Variants in BBOX1 observed in about 807,000 individuals in gnomAD.
The protein encoded by BBOX1 is gamma-butyrobetaine dioxygenase.
In BBOX1, 35 loss-of-function variants were observed where a neutral mutation model predicts 41.6. That is an observed-to-expected ratio of 0.84 (90% CI 0.64 to 1.11). BBOX1 has a LOEUF of 1.11. Among genes scored for constraint, BBOX1 ranks in the 50% most tolerant of loss-of-function variants. The pLI is 0.00. For missense variants in BBOX1, 458 were observed against 460.6 expected (o/e 0.99, Z 0.05); for synonymous variants, 163 against 154.7 (o/e 1.05, Z -0.40).
At chr11:27,108,452 CT>C (rs1180293348) in intron 5 of BBOX1, among the ~76,000 whole-genome samples, 1 of 152,084 alleles carries the variant, frequency 6.6e-6, no homozygotes, top group Non-Finnish European at 1.5e-5. Context: ...GATGAAATTA[CT>C]TTTTTGATCT....
At chr11:27,099,020 G>A (rs2134056690) in intron 5 of BBOX1, among the ~76,000 whole-genome samples, 1 of 151,912 alleles carries the variant, frequency 6.6e-6, no homozygotes, top group African/African-American at 2.4e-5. Context: ...TACGTCTCAG[G>A]AAATTTTAAT....
chr11:27,082,347 G>A (rs1857875720), intron 4 of BBOX1, among the ~76,000 whole-genome samples: 1 of 152,064 alleles, frequency 6.6e-6, no homozygotes, highest in Admixed American at 6.6e-5. Context: ...CTGTTCCACG[G>A]GGAGGTGTGT....
At chr11:27,087,766 CAGGTTCTAATGGGCTA>C (rs1858095158) in intron 4 of BBOX1, among the ~76,000 whole-genome samples, 1 of 152,078 alleles carries the variant, frequency 6.6e-6, no homozygotes, top group Non-Finnish European at 1.5e-5. Context: ...TATTGGTACA[CAGGTTCTAATGGGCTA>C]TGGCCCTTAG....
At chr11:27,053,860 A>G (rs1233673593) in intron 2 of BBOX1, among the ~76,000 whole-genome samples, 1 of 152,212 alleles carries the variant, frequency 6.6e-6, no homozygotes, top group Non-Finnish European at 1.5e-5. Context: ...ATAGTTCCAA[A>G]GCAGAAATAA....
At chr11:27,066,242 G>C (rs559327101) in intron 4 of BBOX1, among the ~76,000 whole-genome samples, 1 of 152,002 alleles carries the variant, frequency 6.6e-6, no homozygotes, top group Non-Finnish European at 1.5e-5. Flanking sequence ...GTTTTGTTTT[G>C]TTTTGTTGCA....
rs534660577 is a variant in BBOX1 at position 27,113,285 on chromosome 11, C to A, written c.534-2167C>A. Among the ~76,000 whole-genome samples, 3 of 151,986 alleles carry A rather than the reference C, an allele frequency of 2.0e-5. No individual in the cohort carries two copies. The South Asian group carries it at 6.2e-4, about 31-fold the overall frequency. On this transcript the variant is annotated intron_variant, in intron 5 of 8. Transcript: ENST00000263182. The stretch of plus-strand genomic sequence containing the variant: ...TTAAAAACATTATCATTTGACCCAG[C>A]AATGCCACTATTGAGTGTATACCCA...
At chr11:27,124,863 C>T (rs1444261302) in intron 7 of BBOX1, among the ~76,000 whole-genome samples, 1 of 152,102 alleles carries the variant, frequency 6.6e-6, no homozygotes, top group Non-Finnish European at 1.5e-5. Flanking sequence ...CTTACATTGG[C>T]ATGGTCATAA....
At chr11:27,101,539 G>A (rs1458446548) in intron 5 of BBOX1, among the ~76,000 whole-genome samples, 1 of 151,802 alleles carries the variant, frequency 6.6e-6, no homozygotes, top group African/African-American at 2.4e-5. Flanking sequence ...TTTTTATAAT[G>A]AAGCCTTTGG....
At chr11:27,101,001 AT>A (rs1240402351) in intron 5 of BBOX1, among the ~76,000 whole-genome samples, 1 of 152,070 alleles carries the variant, frequency 6.6e-6, no homozygotes, top group Non-Finnish European at 1.5e-5. Context: ...TACACTCATT[AT>A]TTTGAATCTT....
chr11:27,110,779 T>C (rs1357836340), intron 5 of BBOX1, among the ~76,000 whole-genome samples: 1 of 152,020 alleles, frequency 6.6e-6, no homozygotes, highest in African/African-American at 2.4e-5. Context: ...CCCTGCTGTA[T>C]CTCTGATGCT....
chr11:27,053,503 C>T (rs11029806), intron 2 of BBOX1, among the ~76,000 whole-genome samples: 50,913 of 152,064 alleles, frequency 0.33, 8,792 homozygotes, highest in East Asian at 0.45. Context: ...ATATGCCGTC[C>T]GGCATTTTAC....
At chr11:27,065,636 T>G (rs1267437263) in intron 4 of BBOX1, among the ~76,000 whole-genome samples, 1 of 152,164 alleles carries the variant, frequency 6.6e-6, no homozygotes, top group Non-Finnish European at 1.5e-5. Context: ...TAAACTTATC[T>G]TCCTCTTTCC....
chr11:27,046,439 G>C (rs1223988698), intron 2 of BBOX1, among the ~76,000 whole-genome samples: 2 of 149,632 alleles, frequency 1.3e-5, no homozygotes, highest in East Asian at 2.0e-4. Context: ...ACACACCACA[G>C]ACACACACAC....
chr11:27,057,845 T>C (rs1857032586), intron 4 of BBOX1, among the ~76,000 whole-genome samples: 1 of 152,092 alleles, frequency 6.6e-6, no homozygotes, highest in Non-Finnish European at 1.5e-5. Flanking sequence ...CACGTTTGTC[T>C]AGGAAGAATT....
intron 5 of BBOX1, among the ~76,000 whole-genome samples, chr11:27,104,821 C>T (rs1180508821): frequency 6.6e-6 from 1 of 152,134 alleles, no homozygotes; most frequent in Non-Finnish European, 1.5e-5. Flanking sequence ...CCCTGAGTAG[C>T]CTAACTGGGA....
At position 27,063,398 on chromosome 11, in the gene BBOX1, A is replaced by T. The variant is rs1460769259; in HGVS notation, c.334+6083A>T. On this transcript the variant is annotated intron_variant, in intron 4 of 8. Transcript: ENST00000263182. ...AACTGGCAGGACCAAAATGGAAAAA[A>T]AAATCACTATATAGTATGATATACA... 5.9e-5 allele frequency among the ~76,000 whole-genome samples: 9 copies of T among 152,278 alleles called. 1 individual carries two copies.
intron 4 of BBOX1, chr11:27,066,671 G>C (rs1275467928): frequency 2.1e-4 from 26 of 124,226 alleles, no homozygotes; most frequent in Non-Finnish European, 1.7e-5. Flanking sequence ...CCCTTCAGGG[G>C]AAAAAAAAAA....
chr11:27,061,765 A>T (rs528192837), intron 4 of BBOX1, among the ~76,000 whole-genome samples: 1 of 152,280 alleles, frequency 6.6e-6, no homozygotes, highest in African/African-American at 2.4e-5. Flanking sequence ...TCATCATCCA[A>T]AAAACTTTTA....
rs1859708081 is a variant in BBOX1, at chr11:27,127,409, T to C, written c.1120T>C (p.Ser374Pro). The C allele has an allele frequency of 9.3e-6, 15 of 1,613,812 alleles. No individual in the cohort carries two copies. Among genetic ancestry groups the C allele is most frequent in the Non-Finnish European group, 1.2e-5 (14 of 1,179,960 alleles). Residue 374 changes from serine to proline, a missense_variant, in exon 9 of 9, where the codon TCA becomes CCA. By Grantham distance (74) the Ser-to-Pro change is moderately conservative (BLOSUM62 -1). Transcript: ENST00000263182. ...TTATGCTGACTGGGATGTGGTCATGTCAAGGCTTCGTATCTTAAGGCAGAG... is the reference window on the plus strand; with the variant it reads ...TTATGCTGACTGGGATGTGGTCATGCCAAGGCTTCGTATCTTAAGGCAGAG... ...GAYADWDVVM[S>P]RLRILRQRVE...
Sources: gnomAD v4.1 joint callset for allele counts (sites outside exome capture counted in the v4.1 genomes callset) on GRCh38, gnomAD v4.1.1 for gene constraint, MANE v1.5 for transcripts, NCBI Gene and HGNC (gene_info 2026-07-23, HGNC 2026-07-21) for gene names.